Variants in FREM2 observed in about 807,000 individuals in gnomAD.
FREM2 encodes the protein FRAS1-related extracellular matrix protein 2.
Under a neutral mutation model 219.9 loss-of-function variants are expected in FREM2, and 119 were observed. That is an observed-to-expected ratio of 0.54 (90% CI 0.47 to 0.63). The LOEUF is 0.63. Among genes scored for constraint, FREM2 ranks in the 30% least tolerant of loss-of-function variants. FREM2 has a pLI of 0.00. For missense variants in FREM2, 4,030 were observed against 3,993.6 expected, an observed-to-expected ratio of 1.01 and a Z score of -0.25; for synonymous variants, 1,562 against 1,522.8, an observed-to-expected ratio of 1.03 and a Z score of -0.60.
chr13:38,708,448 G>A (rs1870627265), intron 2 of FREM2, among the ~76,000 whole-genome samples: 1 of 152,092 alleles, frequency 6.6e-6, no homozygotes, highest in Non-Finnish European at 1.5e-5. Flanking sequence ...GAGGTCAGGG[G>A]TTCGAGACCA....
chr13:38,835,075 T>C lies in FREM2; in HGVS notation c.6020-11498T>C, dbSNP rs569488530. ...TAGGTTTTCCCCTAGGGTTTTTATG[T>C]CATTAGGTCTTACATTTAAATCTTT... On this transcript the variant is annotated intron_variant, in intron 6 of 23. Coordinates refer to ENST00000280481, the MANE Select transcript of FREM2 (RefSeq NM_207361.6). Among the ~76,000 whole-genome samples, 126 of 152,226 alleles carry C rather than the reference T, an allele frequency of 8.3e-4. 3 individuals are homozygous for C. The South Asian group carries it at 0.025, about 30-fold the overall frequency.
chr13:38,828,997 A>G (rs892331594), intron 6 of FREM2, among the ~76,000 whole-genome samples: 18 of 152,108 alleles, frequency 1.2e-4, no homozygotes, highest in African/African-American at 4.3e-4. Flanking sequence ...GTAACAAAAT[A>G]TATAATATGA....
chr13:38,861,474 G>A lies in FREM2; in HGVS notation c.7563G>A (p.Pro2521=), dbSNP rs771254172. 8.8e-6 allele frequency: 14 copies of A among 1,599,888 alleles called. No individual in the cohort carries two copies. The highest frequency in any genetic ancestry group is 5.1e-5 in the Admixed American group (3 of 58,518). ...TACCTGGGGTTGTTGGAGCAGAGCC[G>A]TTCTCAGCTAAATTGCGCTACACAG... ...PRVPGVVGAE[P]FSAKLRYTGP... The change falls in exon 15 of 24, where the codon CCG becomes CCA. Residue 2521 remains proline (P), a synonymous_variant. Transcript: ENST00000280481.
At chr13:38,715,335 G>T (rs1267687945) in intron 2 of FREM2, among the ~76,000 whole-genome samples, 1 of 152,188 alleles carries the variant, frequency 6.6e-6, no homozygotes, top group Non-Finnish European at 1.5e-5. Context: ...AAGTAGGGAA[G>T]GGTGGATGAG....
intron 3 of FREM2, 75 bp downstream of exon 3, chr13:38,764,525 G>C: frequency 2.2e-6 from 2 of 904,688 alleles, no homozygotes; most frequent in South Asian, 3.3e-5. Context: ...AGTGATTAAA[G>C]TATCAGTTTA....
intron 6 of FREM2, among the ~76,000 whole-genome samples, chr13:38,844,274 C>T (rs9548492): frequency 0.12 from 18,775 of 152,116 alleles, 1,389 homozygotes; most frequent in Admixed American, 0.21. Flanking sequence ...GCCACCCCCG[C>T]CTCTTTCTTT....
At chr13:38,843,899 T>G (rs1256815006) in intron 6 of FREM2, among the ~76,000 whole-genome samples, 1 of 152,150 alleles carries the variant, frequency 6.6e-6, no homozygotes, top group East Asian at 1.9e-4. Context: ...AGTTTTTTTT[T>G]TTCTTATGGA....
At chr13:38,865,761 T>C (rs145082087) in intron 16 of FREM2, among the ~76,000 whole-genome samples, 5 of 152,114 alleles carry the variant, frequency 3.3e-5, no homozygotes, top group African/African-American at 1.2e-4. Flanking sequence ...CCAATAGAAA[T>C]AGCAATAGAG....
chr13:38,876,850 T>C (rs534803056), intron 20 of FREM2, among the ~76,000 whole-genome samples: 184 of 152,276 alleles, frequency 1.2e-3, no homozygotes, highest in African/African-American at 4.4e-3. Flanking sequence ...TATTTACAAG[T>C]CCTTTATATA....
At chr13:38,732,199 G>T (rs886230566) in intron 2 of FREM2, among the ~76,000 whole-genome samples, 2 of 152,150 alleles carry the variant, frequency 1.3e-5, no homozygotes, top group Non-Finnish European at 2.9e-5. Flanking sequence ...TCATATCTTA[G>T]TAGTCTTTTC....
At chr13:38,755,635 A>C (rs2442347) in intron 2 of FREM2, among the ~76,000 whole-genome samples, 7 of 152,032 alleles carry the variant, frequency 4.6e-5, no homozygotes, top group Non-Finnish European at 1.0e-4. Flanking sequence ...CCTGACATCC[A>C]TTTTCATTAC....
intron 2 of FREM2, among the ~76,000 whole-genome samples, chr13:38,749,811 T>G (rs1872659037): frequency 6.6e-6 from 1 of 152,220 alleles, no homozygotes; most frequent in African/African-American, 2.4e-5. Flanking sequence ...GTAAAGTCAA[T>G]GTATTCACTT....
At chr13:38,757,586 C>T (rs34692381) in intron 2 of FREM2, among the ~76,000 whole-genome samples, 42,197 of 151,590 alleles carry the variant, frequency 0.28, 7,519 homozygotes, top group Non-Finnish European at 0.4. Context: ...TGTCATGCCA[C>T]TCCTCTTTTT....
chr13:38,724,634 A>G (rs1159945793), intron 2 of FREM2, among the ~76,000 whole-genome samples: 1 of 152,220 alleles, frequency 6.6e-6, no homozygotes, highest in Admixed American at 6.5e-5. Context: ...ACAAAAAAGT[A>G]AATTTATTTG....
intron 17 of FREM2, among the ~76,000 whole-genome samples, chr13:38,873,900 T>C (rs781538423): frequency 2.0e-4 from 31 of 152,228 alleles, no homozygotes; most frequent in Non-Finnish European, 3.4e-4. Context: ...CCCTGAGTTA[T>C]GATTCCAAAT....
At chr13:38,728,686 A>G (rs1400096764) in intron 2 of FREM2, among the ~76,000 whole-genome samples, 1 of 43,294 alleles carries the variant, frequency 2.3e-5, no homozygotes. Flanking sequence ...TGCTAGGATT[A>G]TATGTGTGAA....
rs139929356 is a variant in FREM2 at position 38,883,091 on chromosome 13, T to C, written c.*2304T>C. ...TCCTATCCTACCAAATATTTATCCT[T>C]CTCTGTCCTCTATTCTCTTACTCTC... On this transcript the variant is annotated 3_prime_UTR_variant, in exon 24 of 24. Transcript: ENST00000280481. 114 of 152,286 alleles carry C rather than the reference T, an allele frequency of 7.5e-4. 1 individual carries two copies. The highest frequency in any genetic ancestry group is 2.5e-3 in the African/African-American group (103 of 41,564). The allele number at this position is 152,286 out of a possible 1,614,324, so 9.4% of individuals were successfully genotyped here. A position where few individuals can be genotyped will look rare whatever the true frequency, so the allele number is the denominator to read the frequency against.
At position 38,706,078 on chromosome 13, in the gene FREM2, CAG is replaced by C. The variant is rs1870527519; in HGVS notation, c.5263+8293_5263+8294del. 2.0e-5 allele frequency among the ~76,000 whole-genome samples: 3 copies of C among 152,112 alleles called. No homozygotes were observed. The South Asian group carries it at 6.2e-4, about 32-fold the overall frequency. ...ATGAGTTTTCACTATGGCCAAATAA[CAG>C]AAATTTTTAAAAACCCACTGTATCT... On this transcript the variant is annotated intron_variant, in intron 2 of 23. Coordinates refer to ENST00000280481, the MANE Select transcript of FREM2 (RefSeq NM_207361.6).
intron 2 of FREM2, among the ~76,000 whole-genome samples, chr13:38,738,603 A>T (rs533301767): frequency 2.4e-4 from 36 of 151,866 alleles, no homozygotes; most frequent in African/African-American, 8.0e-4. Context: ...AGAGATAGAA[A>T]AAAAAGGAAA....
Sources: allele counts gnomAD v4.1 joint callset (sites outside exome capture counted in the v4.1 genomes callset), GRCh38; gene constraint gnomAD v4.1.1; transcripts MANE v1.5; gene names NCBI Gene and HGNC (gene_info 2026-07-23, HGNC 2026-07-21).